Variants in OXCT1 observed in about 807,000 individuals in gnomAD.
OXCT1 encodes 3-oxoacid CoA-transferase 1, also known as succinyl-CoA:3-ketoacid coenzyme A transferase 1, mitochondrial.
Under a neutral mutation model 69.6 loss-of-function variants are expected in OXCT1, and 27 were observed. That is an observed-to-expected ratio of 0.39 (90% CI 0.29 to 0.54). The LOEUF is 0.54. Among genes scored for constraint, OXCT1 ranks in the 20% least tolerant of loss-of-function variants. The pLI, the probability that OXCT1 is intolerant of heterozygous loss-of-function variation, is 0.72. For synonymous variants in OXCT1, 202 were observed against 217.8 expected (o/e 0.93, Z 0.64); for missense variants, 437 against 650.2 (o/e 0.67, Z 3.57).
chr5:41,846,124 GTATT>G (rs1198178256), intron 5 of OXCT1, among the ~76,000 whole-genome samples: 11 of 150,774 alleles, frequency 7.3e-5, no homozygotes, highest in African/African-American at 1.7e-4. Flanking sequence ...ATGTATGTAT[GTATT>G]TATTTATTTA....
chr5:41,869,916 T>TC (rs1579923301), intron 1 of OXCT1: 4 of 351,066 alleles, frequency 1.1e-5, no homozygotes, highest in Non-Finnish European at 2.2e-5. Flanking sequence ...GGCGCCCTCC[T>TC]CCCCCCGTTC....
chr5:41,824,470 A>T (rs1242288117), intron 7 of OXCT1, among the ~76,000 whole-genome samples: 1 of 152,218 alleles, frequency 6.6e-6, no homozygotes, highest in Non-Finnish European at 1.5e-5. Context: ...AATTTCATTA[A>T]GAAAGTTTTC....
intron 3 of OXCT1, among the ~76,000 whole-genome samples, chr5:41,857,211 A>C (rs1016556289): frequency 1.3e-5 from 2 of 152,080 alleles, no homozygotes; most frequent in Non-Finnish European, 2.9e-5. Context: ...CCCACACAAC[A>C]TGGCAGCCAA....
At chr5:41,800,558 C>T (rs533618438) in intron 11 of OXCT1, among the ~76,000 whole-genome samples, 1 of 151,388 alleles carries the variant, frequency 6.6e-6, no homozygotes, top group South Asian at 2.1e-4. Flanking sequence ...ACAGTTCCTA[C>T]TAAGTGGCCA....
At chr5:41,783,962 C>T (rs1203965661) in intron 13 of OXCT1, among the ~76,000 whole-genome samples, 3 of 152,174 alleles carry the variant, frequency 2.0e-5, no homozygotes, top group African/African-American at 7.2e-5. Flanking sequence ...TGGAGAAACT[C>T]TTTCACATTC....
At chr5:41,804,407 G>A (rs1746571110) in intron 9 of OXCT1, among the ~76,000 whole-genome samples, 3 of 152,062 alleles carry the variant, frequency 2.0e-5, no homozygotes, top group Non-Finnish European at 2.9e-5. Context: ...TTGAAAAAAA[G>A]TAGGAGATAT....
At chr5:41,780,338 A>C (rs1745334718) in intron 13 of OXCT1, among the ~76,000 whole-genome samples, 1 of 152,212 alleles carries the variant, frequency 6.6e-6, no homozygotes, top group Non-Finnish European at 1.5e-5. Flanking sequence ...AGGGTGAAGA[A>C]CTGTGATTAA....
chr5:41,777,619 T>C (rs1481746265), intron 13 of OXCT1, among the ~76,000 whole-genome samples: 1 of 152,204 alleles, frequency 6.6e-6, no homozygotes, highest in Admixed American at 6.5e-5. Flanking sequence ...ATCTGTTGGA[T>C]GGTGTTAATT....
intron 3 of OXCT1, 195 bp from the exon 4 acceptor site, chr5:41,853,749 T>A (rs1432367209): frequency 1.4e-6 from 1 of 692,716 alleles, no homozygotes; most frequent in Admixed American, 2.1e-5. Context: ...TTGAGGAAAC[T>A]AAAAGTCAAG....
chr5:41,746,002 A>G (rs992567256), intron 15 of OXCT1, among the ~76,000 whole-genome samples: 2 of 152,086 alleles, frequency 1.3e-5, no homozygotes, highest in Non-Finnish European at 2.9e-5. Context: ...TCCTTCCAAA[A>G]CTACTCGAAT....
rs1746795575 is a variant in OXCT1 at position 41,808,455 on chromosome 5, C to T, written c.733-1017G>A. Among the ~76,000 whole-genome samples, 10 of 152,182 alleles carry T rather than the reference C, an allele frequency of 6.6e-5. 2 individuals are homozygous for T. The South Asian group carries it at 2.1e-3, about 32-fold the overall frequency. On this transcript the variant is annotated intron_variant, in intron 7 of 16. Transcript: ENST00000196371. Reference sequence around the variant, plus strand: ...TCTACTACTATATGCCTTCACTAGGCTCCTCCTACAGTGCAAGAATACCAG... The same window carrying T: ...TCTACTACTATATGCCTTCACTAGGTTCCTCCTACAGTGCAAGAATACCAG...
intron 3 of OXCT1, among the ~76,000 whole-genome samples, chr5:41,858,331 A>C (rs1749522395): frequency 6.6e-6 from 1 of 152,176 alleles, no homozygotes; most frequent in African/African-American, 2.4e-5. Flanking sequence ...CTTACCTATA[A>C]AGGCTTACAA....
intron 13 of OXCT1, among the ~76,000 whole-genome samples, chr5:41,790,197 C>T (rs1448911617): frequency 1.3e-5 from 2 of 152,206 alleles, no homozygotes; most frequent in Admixed American, 6.5e-5. Context: ...CTATTTTGTG[C>T]TTTCAATAAC....
intron 7 of OXCT1, among the ~76,000 whole-genome samples, chr5:41,830,099 C>CA (rs947456406): frequency 6.6e-6 from 1 of 151,796 alleles, no homozygotes; most frequent in Admixed American, 6.6e-5. Context: ...TTAAAAAGTC[C>CA]AAAAGCACAA....
At chr5:41,771,527 G>A (rs1744869699) in intron 13 of OXCT1, among the ~76,000 whole-genome samples, 1 of 152,124 alleles carries the variant, frequency 6.6e-6, no homozygotes, top group Non-Finnish European at 1.5e-5. Flanking sequence ...AGAGAAAAAC[G>A]TACTCCTAGC....
rs1196200438 is a variant in OXCT1 at position 41,762,721 on chromosome 5, T to G, written c.1249-521A>C. Among the ~76,000 whole-genome samples, 1 of 152,134 alleles carries G rather than the reference T, an allele frequency of 6.6e-6. No individual in the cohort carries two copies. The highest frequency in any genetic ancestry group is 1.5e-5 in the Non-Finnish European group (1 of 68,010). ...AAAGGTGGCTCTGTCTTTCTAACAC[T>G]TGGCATTTATCTTGCGCTTAGAAAA... On this transcript the variant is annotated intron_variant, in intron 13 of 16. Coordinates refer to ENST00000196371, the MANE Select transcript of OXCT1 (RefSeq NM_000436.4). This position sits in a 1 kb window ranked among gnomAD's most constrained non-coding sequence, Gnocchi z 4.0.
At chr5:41,739,516 C>A (rs768950263) in intron 15 of OXCT1, 25 bp from the exon 16 acceptor site, 48 of 1,473,170 alleles carry the variant, frequency 3.3e-5, no homozygotes, top group Non-Finnish European at 4.5e-5. Context: ...AGAAAAAGGA[C>A]AATGACAATT....
rs1176376436 is a variant in OXCT1 at position 41,731,022 on chromosome 5, A to G, written c.*707T>C. On this transcript the variant is annotated 3_prime_UTR_variant, in exon 17 of 17. Coordinates refer to ENST00000196371, the MANE Select transcript of OXCT1 (RefSeq NM_000436.4). ...ACAGAAGTATTCTCAAGGACCCTTGAGGATACAAAGGAATACTGGGCTGTT... is the reference window on the plus strand; with the variant it reads ...ACAGAAGTATTCTCAAGGACCCTTGGGGATACAAAGGAATACTGGGCTGTT... 6.6e-6 allele frequency: 1 copy of G among 152,268 alleles called. No homozygotes were observed. Among genetic ancestry groups the G allele is most frequent in the Non-Finnish European group, 1.5e-5 (1 of 68,096 alleles). 9.4% of individuals were successfully genotyped at this position (152,268 alleles called of 1,614,324 possible).
At position 41,803,137 on chromosome 5, in the gene OXCT1, G is replaced by A. The variant is rs1746501852; in HGVS notation, c.982C>T (p.Leu328=). The A allele has an allele frequency of 6.2e-7, 1 of 1,611,446 alleles. No individual in the cohort carries two copies. Among genetic ancestry groups the A allele is most frequent in the South Asian group, 1.1e-5 (1 of 91,010 alleles). The change falls in exon 10 of 17, where the codon CTG becomes TTG. Residue 328 remains leucine (L), a synonymous_variant. Coordinates refer to ENST00000196371, the MANE Select transcript of OXCT1 (RefSeq NM_000436.4). ...YANLGIGIPL[L]ASNFISPNIT... is the part of the protein sequence containing the mutation. ...TTTGGGCTGATAAAATTGCTGGCCA[G>A]GAGAGGGATTCCTATGCCCAAATTA...
Sources: allele counts gnomAD v4.1 joint callset (sites outside exome capture counted in the v4.1 genomes callset), GRCh38; gene constraint gnomAD v4.1.1; non-coding constraint Gnocchi (gnomAD v3.1); transcripts MANE v1.5; gene names NCBI Gene and HGNC (gene_info 2026-07-23, HGNC 2026-07-21).